The following BIN2 variants were observed in gnomAD, a reference collection of about 807,000 sequenced individuals.
The protein encoded by BIN2 is breast cancer associated protein BRAP1.
Under a neutral mutation model 67.9 loss-of-function variants are expected in BIN2, and 43 were observed. The observed-to-expected ratio is 0.63, with a 90% CI of 0.50 to 0.82. The LOEUF (loss-of-function observed/expected upper bound fraction) is 0.82, where lower values mean the gene tolerates loss of function less well. Among genes scored for constraint, BIN2 ranks in the 40% least tolerant of loss-of-function variants. The probability of loss-of-function intolerance (pLI) is 0.00; values close to 1 mark genes in which losing one functional copy is unlikely to be tolerated. For missense variants in BIN2, 581 were observed against 671.6 expected (o/e 0.87, Z 1.49); for synonymous variants, 244 against 246.8 (o/e 0.99, Z 0.11).
At chr12:51,289,380 G>A (rs1565670990) in intron 10 of BIN2, among the ~76,000 whole-genome samples, 1 of 151,882 alleles carries the variant, frequency 6.6e-6, no homozygotes, top group Non-Finnish European at 1.5e-5. Flanking sequence ...TTTGGGAGGC[G>A]GAGATGGGAG....
Position 51,319,955 on chromosome 12 carries a change from C to CTCTCTCCTTCCT in BIN2, c.81+4066_81+4067insAGGAAGGAGAGA, listed in dbSNP as rs140671810. Among the ~76,000 whole-genome samples the CTCTCTCCTTCCT allele has an allele frequency of 4.6e-3, 694 of 151,084 alleles. 3 individuals are homozygous for CTCTCTCCTTCCT. The highest frequency in any genetic ancestry group is 8.0e-3 in the Non-Finnish European group (539 of 67,684). ...TTTTGTGGTTATGTAGGAAATCTTT[C>CTCTCTCCTTCCT]TCTTTCCTTCCTTCCTTCCTTTTCT... On this transcript the variant is annotated intron_variant, in intron 1 of 12. Coordinates refer to ENST00000615107, the MANE Select transcript of BIN2 (RefSeq NM_016293.4).
At chr12:51,290,287 G>C (rs1316287967) in intron 10 of BIN2, among the ~76,000 whole-genome samples, 2 of 151,174 alleles carry the variant, frequency 1.3e-5, no homozygotes, top group Admixed American at 6.6e-5. Context: ...ACCATGCCTG[G>C]CTAATTTTTG....
intron 1 of BIN2, among the ~76,000 whole-genome samples, chr12:51,315,351 T>G (rs1946098070): frequency 6.6e-6 from 1 of 152,140 alleles, no homozygotes; most frequent in South Asian, 2.1e-4. Context: ...TTTTTGTATT[T>G]TTAGTAGAAA....
rs1452239254 is a variant in BIN2, at chr12:51,295,826, T to C, written c.731A>G (p.Asn244Ser). The change falls in exon 9 of 13, where the codon AAT (asparagine) becomes AGT (serine). Residue 244 changes from asparagine to serine, a missense_variant. Transcript: ENST00000615107. Reference protein sequence around the residue: ...VMSKLEKQHSNKVFVVKGLSS... With the variant: ...VMSKLEKQHSSKVFVVKGLSS... ...CAGTCCCTTCACCACAAAGACTTTA[T>C]TGGAATGTTGCTTCTCCAGTTTGCT... 6.2e-7 allele frequency: 1 copy of C among 1,613,346 alleles called. No individual in the cohort carries two copies. The highest frequency in any genetic ancestry group is 8.5e-7 in the Non-Finnish European group (1 of 1,179,720).
chr12:51,324,486 T>G, upstream of BIN2: 1 of 1,525,136 alleles, frequency 6.6e-7, no homozygotes, highest in Non-Finnish European at 8.7e-7. Flanking sequence ...GAAAATGATG[T>G]GGGTTCCACT....
At chr12:51,313,958 G>T (rs1403403618) in intron 1 of BIN2, 55 bp from the exon 2 acceptor site, 3 of 1,447,856 alleles carry the variant, frequency 2.1e-6, no homozygotes. Context: ...TCTCTTACAT[G>T]TTGGCCTCAT....
intron 1 of BIN2, among the ~76,000 whole-genome samples, chr12:51,317,135 C>T (rs1013399882): frequency 6.6e-6 from 1 of 152,066 alleles, no homozygotes; most frequent in Non-Finnish European, 1.5e-5. Flanking sequence ...CTCAGCCTCC[C>T]AAAGTGCTGG....
rs1167440365 is a variant in BIN2 at position 51,299,730 on chromosome 12, G to T, written c.409-16C>A. On this transcript the variant is annotated splice_polypyrimidine_tract_variant and intron_variant, in intron 5 of 12. Coordinates refer to ENST00000615107, the MANE Select transcript of BIN2 (RefSeq NM_016293.4). Reference sequence around the variant, plus strand: ...CAATTCTCTCCTGACCCAGGGTAATGAGAAAGGGTGTGGATACTCACTTTT... The same window carrying T: ...CAATTCTCTCCTGACCCAGGGTAATTAGAAAGGGTGTGGATACTCACTTTT... 1 of 1,610,852 alleles carries T rather than the reference G, an allele frequency of 6.2e-7. No homozygotes were observed. Among genetic ancestry groups the T allele is most frequent in the Admixed American group, 1.7e-5 (1 of 60,014 alleles).
intron 10 of BIN2, among the ~76,000 whole-genome samples, chr12:51,291,284 A>G (rs1050400624): frequency 2.6e-5 from 4 of 152,212 alleles, no homozygotes; most frequent in African/African-American, 4.8e-5. Flanking sequence ...TATAGTAAAG[A>G]TACCTACATG....
chr12:51,317,671 A>AAAATT (rs953734020), intron 1 of BIN2, among the ~76,000 whole-genome samples: 2 of 151,692 alleles, frequency 1.3e-5, no homozygotes, highest in Admixed American at 6.6e-5. Context: ...AACAAAACAA[A>AAAATT]AAATTAAATT....
At chr12:51,282,973 G>A (rs1203010644) in intron 12 of BIN2, among the ~76,000 whole-genome samples, 1 of 151,570 alleles carries the variant, frequency 6.6e-6, no homozygotes, top group Non-Finnish European at 1.5e-5. Flanking sequence ...AATTGGCCAG[G>A]TGCGTTGGCT....
chr12:51,284,653 C>T, intron 12 of BIN2, 63 bp downstream of exon 12: 6 of 1,330,620 alleles, frequency 4.5e-6, no homozygotes, highest in Non-Finnish European at 6.5e-6. Flanking sequence ...GTGAAGATTC[C>T]AGCCTTTTCC....
chr12:51,299,115 A>C, intron 7 of BIN2, 88 bp downstream of exon 7: 2 of 973,320 alleles, frequency 2.1e-6, no homozygotes, highest in South Asian at 2.8e-5. Context: ...GGGAATTTAA[A>C]TCTAAAACAC....
intron 8 of BIN2, among the ~76,000 whole-genome samples, chr12:51,296,110 T>A (rs1945560282): frequency 6.6e-6 from 1 of 152,220 alleles, no homozygotes; most frequent in African/African-American, 2.4e-5. Flanking sequence ...CTGGCAGCTG[T>A]CTCAAGGCAG....
chr12:51,310,988 A>T (rs1028312809), intron 2 of BIN2, among the ~76,000 whole-genome samples: 1 of 151,722 alleles, frequency 6.6e-6, no homozygotes, highest in African/African-American at 2.4e-5. Context: ...CAAACTTCTG[A>T]GCTCAGCACT....
At chr12:51,309,249 G>A (rs1394279222) in intron 2 of BIN2, among the ~76,000 whole-genome samples, 1 of 151,910 alleles carries the variant, frequency 6.6e-6, no homozygotes, top group East Asian at 1.9e-4. Context: ...GTGAGACCTC[G>A]TCTTCACAAA....
chr12:51,324,647 C>T (rs1592291301), upstream of BIN2: 14 of 1,052,266 alleles, frequency 1.3e-5, no homozygotes, highest in East Asian at 2.4e-4. Context: ...ACACCCGAGC[C>T]GGGCTTGAAA....
rs565184192 is a variant in BIN2 at position 51,285,870 on chromosome 12, C to G, written c.1597-1083G>C. On this transcript the variant is annotated intron_variant, in intron 11 of 12. Coordinates refer to ENST00000615107, the MANE Select transcript of BIN2 (RefSeq NM_016293.4). The stretch of plus-strand genomic sequence containing the variant: ...CAAGTGATCCACTCCCCTCAGCCTC[C>G]CAAAGTGTTGGGATTACAGGTGTGA... 3.9e-5 allele frequency among the ~76,000 whole-genome samples: 6 copies of G among 152,164 alleles called. No homozygotes were observed. In the South Asian group the frequency reaches 1.2e-3, roughly 32 times the overall value.
intron 1 of BIN2, among the ~76,000 whole-genome samples, chr12:51,318,578 G>A (rs769221652): frequency 1.3e-5 from 2 of 152,110 alleles, no homozygotes; most frequent in Admixed American, 1.3e-4. Flanking sequence ...TTCTTAATCC[G>A]GGGGTGTGTC....
Sources: gnomAD v4.1 joint callset for allele counts (sites outside exome capture counted in the v4.1 genomes callset) on GRCh38, gnomAD v4.1.1 for gene constraint, MANE v1.5 for transcripts, NCBI Gene and HGNC (gene_info 2026-07-23, HGNC 2026-07-21) for gene names.